COPB1: variants seen among roughly 807,000 people sequenced by gnomAD.
COPB1 encodes the protein coatomer subunit beta.
A neutral mutation model predicts 108.7 loss-of-function variants in COPB1; 21 were observed. The ratio of observed to expected loss-of-function variants is 0.19; its 90% CI spans 0.14 to 0.28. The LOEUF (loss-of-function observed/expected upper bound fraction) is 0.28, where lower values mean the gene tolerates loss of function less well. Among genes scored for constraint, COPB1 ranks in the 10% least tolerant of loss-of-function variants. COPB1 has a pLI of 1.00. For missense variants in COPB1, 919 were observed against 1,141.3 expected, an observed-to-expected ratio of 0.81 and a Z score of 2.81; for synonymous variants, 378 against 386.8, an observed-to-expected ratio of 0.98 and a Z score of 0.27.
Position 14,476,894 on chromosome 11 carries a change from T to A in COPB1, c.1455+25A>T, listed in dbSNP as rs753530069. 3 of 1,436,798 alleles carry A rather than the reference T, an allele frequency of 2.1e-6. No individual in the cohort carries two copies. In the Admixed American group the frequency reaches 5.1e-5, roughly 24 times the overall value. 89.0% of individuals were successfully genotyped at this position (1,436,798 alleles called of 1,614,324 possible). A position where few individuals can be genotyped will look rare whatever the true frequency, so the allele number is the denominator to read the frequency against. ...CTAAAGGAAAAATTACCATATAAAC[T>A]AACATTTACTAAAGTAAAACATACC... On this transcript the variant is annotated intron_variant, in intron 12 of 21. Transcript: ENST00000439561.
chr11:14,461,383 T>TA, intron 18 of COPB1, 52 bp from the exon 19 acceptor site: 1 of 1,574,796 alleles, frequency 6.4e-7, no homozygotes, highest in Non-Finnish European at 8.7e-7. Context: ...AACTTGAATT[T>TA]AAAAAATCTT....
In COPB1 at chr11:14,474,267, T is replaced by C. The variant is rs925656660; in HGVS notation, c.1737+228A>G. 27 of 311,068 alleles carry C rather than the reference T, an allele frequency of 8.7e-5. No individual in the cohort carries two copies. In the Admixed American group the frequency reaches 1.0e-3, roughly 12 times the overall value. 19.3% of individuals were successfully genotyped at this position (311,068 alleles called of 1,614,324 possible). ...CTTCCACTGGAATAATCACATGACA[T>C]TGTTATTGTATTACTTTGTCAATTT... On this transcript the variant is annotated intron_variant, in intron 14 of 21. Transcript: ENST00000439561.
chr11:14,462,330 T>A (rs981370547), intron 18 of COPB1, among the ~76,000 whole-genome samples: 1 of 152,024 alleles, frequency 6.6e-6, no homozygotes, highest in Non-Finnish European at 1.5e-5. Context: ...CCCTTCGGGT[T>A]CAAATGATTC....
chr11:14,465,692 A>G (rs1850267105), intron 17 of COPB1, among the ~76,000 whole-genome samples: 1 of 152,218 alleles, frequency 6.6e-6, no homozygotes, highest in Non-Finnish European at 1.5e-5. Flanking sequence ...CAACAGGGCA[A>G]AAGTATGTTT....
chr11:14,479,233 C>T (rs1446290878), intron 11 of COPB1, among the ~76,000 whole-genome samples: 3 of 152,168 alleles, frequency 2.0e-5, no homozygotes, highest in Admixed American at 6.5e-5. Context: ...CATTTTCAAT[C>T]TTTCTCTTCA....
At chr11:14,478,859 T>A (rs1850590329) in intron 11 of COPB1, 1 of 149,774 alleles carries the variant, frequency 6.7e-6, no homozygotes, top group South Asian at 2.1e-4. Context: ...AAACCAAAGC[T>A]CTAAGAGATT....
chr11:14,466,743 C>T (rs530226953), intron 16 of COPB1, among the ~76,000 whole-genome samples: 13 of 152,216 alleles, frequency 8.5e-5, no homozygotes, highest in Middle Eastern at 3.4e-3. Flanking sequence ...ATACATTAAA[C>T]ATTATCCCAA....
chr11:14,491,745 C>T (rs994914055), intron 4 of COPB1, among the ~76,000 whole-genome samples: 11 of 151,238 alleles, frequency 7.3e-5, no homozygotes, highest in Non-Finnish European at 1.6e-4. Context: ...TCAAATTATA[C>T]GTTTTCTAGT....
At chr11:14,471,443 G>C (rs1237782529) in intron 14 of COPB1, among the ~76,000 whole-genome samples, 1 of 152,112 alleles carries the variant, frequency 6.6e-6, no homozygotes, top group Admixed American at 6.6e-5. Context: ...AAAAATGTTG[G>C]AGACTTTTAA....
At chr11:14,498,233 A>C (rs1243497370) in intron 2 of COPB1, among the ~76,000 whole-genome samples, 1 of 152,230 alleles carries the variant, frequency 6.6e-6, no homozygotes, top group Non-Finnish European at 1.5e-5. Context: ...TTTCCATGTG[A>C]TAATTATGTA....
intron 7 of COPB1, among the ~76,000 whole-genome samples, chr11:14,484,509 G>A (rs1178175948): frequency 1.3e-5 from 2 of 152,152 alleles, no homozygotes; most frequent in Non-Finnish European, 2.9e-5. Flanking sequence ...CACAAGGTCA[G>A]GAGATCGAGA....
At chr11:14,481,827 C>T (rs1050384340) in intron 8 of COPB1, among the ~76,000 whole-genome samples, 2 of 152,026 alleles carry the variant, frequency 1.3e-5, no homozygotes, top group Non-Finnish European at 2.9e-5. Context: ...CTTGCTCTGT[C>T]ACCCAGGCTG....
chr11:14,499,286 AACAC>A (rs1851097306), intron 1 of COPB1, among the ~76,000 whole-genome samples: 2 of 152,066 alleles, frequency 1.3e-5, no homozygotes, highest in Non-Finnish European at 2.9e-5. Context: ...GTTTTTACAC[AACAC>A]ACAATCTGCA....
chr11:14,494,060 A>G, intron 3 of COPB1, 150 bp downstream of exon 3: 1 of 680,010 alleles, frequency 1.5e-6, no homozygotes, highest in Non-Finnish European at 2.4e-6. Context: ...GTGACAATAA[A>G]ACTTTTAAAA....
intron 11 of COPB1, among the ~76,000 whole-genome samples, chr11:14,479,105 A>G (rs1850599187): frequency 1.3e-5 from 2 of 152,122 alleles, no homozygotes; most frequent in South Asian, 4.1e-4. Context: ...CCTTCCTGAG[A>G]CATATTTCAA....
At chr11:14,478,055 A>G (rs1850567954) in intron 11 of COPB1, among the ~76,000 whole-genome samples, 1 of 152,130 alleles carries the variant, frequency 6.6e-6, no homozygotes, top group South Asian at 2.1e-4. Context: ...GCAGTTCTAA[A>G]GTATTTTAGA....
At chr11:14,478,682 C>T (rs1850584534) in intron 11 of COPB1, among the ~76,000 whole-genome samples, 1 of 151,658 alleles carries the variant, frequency 6.6e-6, no homozygotes, top group African/African-American at 2.4e-5. Flanking sequence ...CAACTCCTGA[C>T]ATCCAGCAAT....
intron 14 of COPB1, among the ~76,000 whole-genome samples, chr11:14,472,972 TTC>T (rs1359917098): frequency 6.6e-6 from 1 of 152,024 alleles, no homozygotes; most frequent in African/African-American, 2.4e-5. Flanking sequence ...TTCGCTTTCT[TTC>T]TTCTTCTTTT....
intron 18 of COPB1, among the ~76,000 whole-genome samples, chr11:14,463,665 ACTG>A (rs1186397048): frequency 6.6e-6 from 1 of 152,158 alleles, no homozygotes; most frequent in Non-Finnish European, 1.5e-5. Context: ...CTCACATCAA[ACTG>A]TCCTTGAATA....
Sources: allele counts gnomAD v4.1 joint callset (sites outside exome capture counted in the v4.1 genomes callset), GRCh38; gene constraint gnomAD v4.1.1; transcripts MANE v1.5; gene names NCBI Gene and HGNC (gene_info 2026-07-23, HGNC 2026-07-21).